The following NFS1 variants were observed in gnomAD, a reference collection of about 807,000 sequenced individuals.
NFS1 encodes the protein NFS1 cysteine desulfurase, also known as cysteine desulfurase.
In NFS1, 26 loss-of-function variants were observed where a neutral mutation model predicts 57.3. That is an observed-to-expected ratio of 0.45 (90% CI 0.33 to 0.63). NFS1 has a LOEUF of 0.63. Among genes scored for constraint, NFS1 ranks in the 20% least tolerant of loss-of-function variants. The pLI, the probability that NFS1 is intolerant of heterozygous loss-of-function variation, is 0.02. For synonymous variants in NFS1, 209 were observed against 216.3 expected (o/e 0.97, Z 0.30); for missense variants, 505 against 605.8 (o/e 0.83, Z 1.75).
chr20:35,693,409 T>TCCGGCC, intron 4 of NFS1, among the ~76,000 whole-genome samples: 1 of 152,134 alleles, frequency 6.6e-6, no homozygotes, highest in South Asian at 2.1e-4. Context: ...ACACTTCATT[T>TCCGGCC]TAAATCTTTC....
chr20:35,681,488 A>C (rs556138649), intron 6 of NFS1, among the ~76,000 whole-genome samples: 8 of 152,208 alleles, frequency 5.3e-5, no homozygotes, highest in Admixed American at 2.0e-4. Flanking sequence ...ACCTGAGGTT[A>C]GGAGTTCAAG....
At chr20:35,676,889 A>T (rs1444115014) in intron 7 of NFS1, among the ~76,000 whole-genome samples, 2 of 151,210 alleles carry the variant, frequency 1.3e-5, no homozygotes, top group East Asian at 3.9e-4. Flanking sequence ...TTTTTGAGAC[A>T]AGAGTCTTGC....
At chr20:35,675,346 G>A in intron 7 of NFS1, 144 bp from the exon 8 acceptor site, 1 of 802,112 alleles carries the variant, frequency 1.2e-6, no homozygotes, top group South Asian at 1.9e-5. Context: ...AGGAAAAGAA[G>A]AAACAGCAGT....
At chr20:35,672,977 A>G in intron 11 of NFS1, 133 bp from the exon 12 acceptor site, 1 of 614,242 alleles carries the variant, frequency 1.6e-6, no homozygotes, top group Non-Finnish European at 2.9e-6. Context: ...CCCTTTAGGC[A>G]GAGTTTCTCA....
intron 4 of NFS1, chr20:35,692,192 AT>A: frequency 2.1e-5 from 5 of 243,366 alleles, no homozygotes; most frequent in South Asian, 1.3e-4. Context: ...GTCTCAAAAA[AT>A]AAATAAATAA....
Position 35,681,896 on chromosome 20 carries a change from G to A in NFS1, c.647C>T (p.Ala216Val), listed in dbSNP as rs754663011. 20 of 1,603,764 alleles carry A rather than the reference G, an allele frequency of 1.2e-5. No homozygotes were observed. The highest frequency in any genetic ancestry group is 3.3e-5 in the South Asian group (3 of 90,814). ...TAAGCCATGATACTCACCTATTTCT[G>A]CAATAGGCTGCTTCACTCCAATCTC... The part of the protein sequence containing the change: ...NNEIGVKQPI[A>V]EIGRICSSRK... The change falls in exon 6 of 13, where the codon GCA (alanine) becomes GTA (valine). Residue 216 changes from alanine to valine, a missense_variant. Coordinates refer to ENST00000374092, the MANE Select transcript of NFS1 (RefSeq NM_021100.5).
chr20:35,697,744 T>G lies in NFS1; in HGVS notation c.264A>C (p.Pro88=). 1 of 1,614,004 alleles carries G rather than the reference T, an allele frequency of 6.2e-7. No homozygotes were observed. The highest frequency in any genetic ancestry group is 1.1e-5 in the South Asian group (1 of 91,072). The change falls in exon 3 of 13, where the codon CCA becomes CCC. Residue 88 remains proline (P), a synonymous_variant. Coordinates refer to ENST00000374092, the MANE Select transcript of NFS1 (RefSeq NM_021100.5). ...AGCCATAAGCATGTGTCCGGGAGTG[T>G]GGGTTCCCATAGTAGTTGATTAGGT... ...LPYLINYYGN[P]HSRTHAYGWE... is the part of the protein sequence containing the mutation.
At chr20:35,669,770 G>A (rs1387261085) in intron 12 of NFS1, 85 bp from the exon 13 acceptor site, 12 of 1,252,576 alleles carry the variant, frequency 9.6e-6, no homozygotes, top group African/African-American at 1.5e-5. Context: ...GCAATGGCTT[G>A]CCTCCTTCTG....
chr20:35,688,533 G>C (rs1206720841), intron 5 of NFS1, among the ~76,000 whole-genome samples: 1 of 152,054 alleles, frequency 6.6e-6, no homozygotes, highest in Non-Finnish European at 1.5e-5. Flanking sequence ...TTCCAGCCTG[G>C]GAGACAAGGC....
chr20:35,680,647 G>T, intron 7 of NFS1, 90 bp downstream of exon 7: 1 of 1,165,786 alleles, frequency 8.6e-7, no homozygotes, highest in Non-Finnish European at 1.2e-6. Flanking sequence ...TCCTCTGAGA[G>T]CAACAGTAGT....
In NFS1 at chr20:35,698,884, T is replaced by C. The variant is rs560984603; in HGVS notation, c.98-294A>G. 8.2e-6 allele frequency: 11 copies of C among 1,335,958 alleles called. No individual in the cohort carries two copies. In the African/African-American group the frequency reaches 1.1e-4, roughly 13 times the overall value. 82.8% of individuals were successfully genotyped at this position (1,335,958 alleles called of 1,614,324 possible). On this transcript the variant is annotated intron_variant, in intron 1 of 12. Transcript: ENST00000374092. ...AGAAGGAACGTGGAGCCAGAGTAGGTGCAGTCCCTTCTGACCGAAGGTAAC... is the reference window on the plus strand; with the variant it reads ...AGAAGGAACGTGGAGCCAGAGTAGGCGCAGTCCCTTCTGACCGAAGGTAAC...
intron 12 of NFS1, among the ~76,000 whole-genome samples, 160 bp downstream of exon 12, chr20:35,672,595 T>C (rs2034674993): frequency 6.6e-6 from 1 of 152,228 alleles, no homozygotes; most frequent in South Asian, 2.1e-4. Context: ...TGAAGACAAG[T>C]AGCCAAGAAG....
rs1386952869 is a variant in NFS1 at position 35,672,849 on chromosome 20, A to C, written c.1221-5T>G. 1.3e-6 allele frequency: 2 copies of C among 1,583,246 alleles called. No individual in the cohort carries two copies. Among genetic ancestry groups the C allele is most frequent in the Non-Finnish European group, 1.7e-6 (2 of 1,161,918 alleles). On this transcript the variant is annotated splice_region_variant and splice_polypyrimidine_tract_variant and intron_variant, in intron 11 of 12. Transcript: ENST00000374092. ...GTGAAGCGGCCAATTCCAAACCTGA[A>C]AAAAGGCACAGGAGAATGGCTCCCC...
At chr20:35,689,719 A>G (rs1442295108) in intron 5 of NFS1, among the ~76,000 whole-genome samples, 18 of 146,836 alleles carry the variant, frequency 1.2e-4, no homozygotes, top group East Asian at 8.2e-4. Context: ...GCAGTGAGCC[A>G]AGATCGCGCC....
chr20:35,669,932 T>A (rs1270413468), intron 12 of NFS1, among the ~76,000 whole-genome samples: 1 of 152,218 alleles, frequency 6.6e-6, no homozygotes, highest in Admixed American at 6.5e-5. Context: ...CAGGCTCAAT[T>A]GCAGTGGGGC....
chr20:35,676,871 T>C (rs530068402), intron 7 of NFS1, among the ~76,000 whole-genome samples: 1 of 151,496 alleles, frequency 6.6e-6, no homozygotes, highest in East Asian at 1.9e-4. Context: ...GCCTTTTTTT[T>C]CCCTTTTTTT....
chr20:35,672,847 G>A lies in NFS1; in HGVS notation c.1221-3C>T, dbSNP rs772154984. On this transcript the variant is annotated splice_region_variant and splice_polypyrimidine_tract_variant and intron_variant, in intron 11 of 12. Transcript: ENST00000374092. ...TAGTGAAGCGGCCAATTCCAAACCT[G>A]AAAAAAGGCACAGGAGAATGGCTCC... The A allele has an allele frequency of 3.8e-6, 6 of 1,583,052 alleles. No individual in the cohort carries two copies. Among genetic ancestry groups the A allele is most frequent in the Non-Finnish European group, 5.2e-6 (6 of 1,163,444 alleles).
chr20:35,687,415 CCTCTCT>C (rs141567718), intron 5 of NFS1, among the ~76,000 whole-genome samples: 68 of 147,962 alleles, frequency 4.6e-4, no homozygotes, highest in Middle Eastern at 3.4e-3. Flanking sequence ...CTCTCTCTCT[CCTCTCT>C]CTCTCTCTCT....
At chr20:35,678,747 T>G (rs1047795844) in intron 7 of NFS1, among the ~76,000 whole-genome samples, 1 of 151,842 alleles carries the variant, frequency 6.6e-6, no homozygotes, top group Non-Finnish European at 1.5e-5. Context: ...TAGTGCTAGT[T>G]ACTGGTGAGG....
Sources: gnomAD v4.1 joint callset for allele counts (sites outside exome capture counted in the v4.1 genomes callset) on GRCh38, gnomAD v4.1.1 for gene constraint, MANE v1.5 for transcripts, NCBI Gene and HGNC (gene_info 2026-07-23, HGNC 2026-07-21) for gene names.